The following PRKD2 variants were observed in gnomAD, a reference collection of about 807,000 sequenced individuals.
PRKD2 encodes protein kinase D2.
PRKD2 carries 22 observed loss-of-function variants against 86.0 expected under a neutral mutation model. The observed-to-expected ratio is 0.26, with a 90% CI of 0.18 to 0.37. The LOEUF is 0.37. Among genes scored for constraint, PRKD2 ranks in the 10% least tolerant of loss-of-function variants. The pLI is 1.00. For synonymous variants in PRKD2, 509 were observed against 510.9 expected (o/e 1.00, Z 0.05); for missense variants, 818 against 1,199.2 (o/e 0.68, Z 4.70).
rs1159306440 is a variant in PRKD2 at position 46,680,924 on chromosome 19, CTATATA to C, written c.2070+720_2070+725del. ...ATAAAGTGCTATATGTTGGGATAAA[CTATATA>C]TATATATATATATATATTTTTTTTT... On this transcript the variant is annotated intron_variant, in intron 15 of 17. Coordinates refer to ENST00000291281, the MANE Select transcript of PRKD2 (RefSeq NM_016457.5). 1.5e-3 allele frequency among the ~76,000 whole-genome samples: 110 copies of C among 72,434 alleles called. 3 individuals are homozygous for C. The Middle Eastern group carries it at 0.03, about 20-fold the overall frequency. The allele number at this position is 72,434 out of a possible 152,430, so 47.5% of individuals were successfully genotyped here.
At chr19:46,692,206 G>T (rs140659601) in intron 10 of PRKD2, among the ~76,000 whole-genome samples, 8 of 152,236 alleles carry the variant, frequency 5.3e-5, no homozygotes, top group Non-Finnish European at 1.0e-4. Flanking sequence ...CCACCAGGAG[G>T]AGTAAATGAG....
intron 2 of PRKD2, among the ~76,000 whole-genome samples, chr19:46,713,374 A>C (rs912423466): frequency 6.6e-6 from 1 of 151,480 alleles, no homozygotes. Flanking sequence ...TTACAGATCC[A>C]ACTCCTTCTT....
chr19:46,700,169 G>C (rs2053616428), intron 7 of PRKD2, among the ~76,000 whole-genome samples: 1 of 152,136 alleles, frequency 6.6e-6, no homozygotes, highest in African/African-American at 2.4e-5. Context: ...CCAGGAGACA[G>C]AGGTTGCAAT....
intron 7 of PRKD2, among the ~76,000 whole-genome samples, chr19:46,699,918 T>TAAAA (rs56355930): frequency 4.7e-5 from 5 of 107,280 alleles, no homozygotes; most frequent in Non-Finnish European, 5.6e-5. Context: ...CCCCCTATCT[T>TAAAA]AAAAAAAAAA....
intron 15 of PRKD2, among the ~76,000 whole-genome samples, chr19:46,681,150 G>T (rs1232251529): frequency 6.7e-6 from 1 of 150,054 alleles, no homozygotes; most frequent in East Asian, 2.0e-4. Context: ...TAGAGAAGGG[G>T]TTTCACCGTG....
At position 46,714,018 on chromosome 19, in the gene PRKD2, G is replaced by A. The variant is rs1206062535; in HGVS notation, c.241-17C>T. The A allele has an allele frequency of 4.3e-6, 7 of 1,611,178 alleles. No individual in the cohort carries two copies. The highest frequency in any genetic ancestry group is 2.2e-5 in the South Asian group (2 of 90,982). ...CTCAGGGAACTGAGGGGCGGGAGAG[G>A]GATGTGGCGACGGAAAAGCTCAGAG... On this transcript the variant is annotated splice_polypyrimidine_tract_variant and intron_variant, in intron 1 of 17. Transcript: ENST00000291281.
chr19:46,675,392 CTTTT>C (rs986856435), intron 16 of PRKD2, among the ~76,000 whole-genome samples: 1 of 151,270 alleles, frequency 6.6e-6, no homozygotes, highest in African/African-American at 2.4e-5. Flanking sequence ...CTTTTTTTTT[CTTTT>C]TGTCATATAC....
At chr19:46,712,863 T>C (rs994184388) in intron 2 of PRKD2, among the ~76,000 whole-genome samples, 2 of 152,266 alleles carry the variant, frequency 1.3e-5, no homozygotes, top group Middle Eastern at 6.8e-3. Flanking sequence ...GAATAGTGAG[T>C]GGATGAACTG....
chr19:46,678,562 G>A lies in PRKD2; in HGVS notation c.2172C>T (p.Leu724=), dbSNP rs1173306916. The part of the protein sequence containing the change: ...TPAYLAPEVL[L]NQGYNRSLDM... ...CCAGCGAGCGGTTGTAGCCCTGGTT[G>A]AGCAGCACCTCGGGTGCCAGGTAGG... The change falls in exon 16 of 18, where the codon CTC becomes CTT. Residue 724 remains leucine, a synonymous_variant. Coordinates refer to ENST00000291281, the MANE Select transcript of PRKD2 (RefSeq NM_016457.5). This position sits in a 1 kb window ranked among gnomAD's most constrained non-coding sequence, Gnocchi z 5.7. 3 of 1,614,058 alleles carry A rather than the reference G, an allele frequency of 1.9e-6. No individual in the cohort carries two copies. Among genetic ancestry groups the A allele is most frequent in the Non-Finnish European group, 2.5e-6 (3 of 1,180,056 alleles).
At chr19:46,690,942 A>C (rs1204878785) in intron 12 of PRKD2, among the ~76,000 whole-genome samples, 1 of 152,182 alleles carries the variant, frequency 6.6e-6, no homozygotes, top group Non-Finnish European at 1.5e-5. Flanking sequence ...AATGTATAAC[A>C]TGGGAAACTG....
At chr19:46,701,734 T>A (rs2053638214) in intron 5 of PRKD2, among the ~76,000 whole-genome samples, 1 of 151,808 alleles carries the variant, frequency 6.6e-6, no homozygotes, top group African/African-American at 2.4e-5. Flanking sequence ...GCTGGGTTCC[T>A]CAACCCGTGA....
intron 13 of PRKD2, 87 bp downstream of exon 13, chr19:46,690,513 C>G (rs2053468000): frequency 5.8e-6 from 7 of 1,211,538 alleles, no homozygotes; most frequent in Middle Eastern, 4.0e-4. Flanking sequence ...ATGCCCTCCC[C>G]CAGGAAGCCT....
chr19:46,701,933 T>C (rs144042987), intron 5 of PRKD2, among the ~76,000 whole-genome samples: 164 of 152,038 alleles, frequency 1.1e-3, no homozygotes, highest in South Asian at 4.8e-3. Flanking sequence ...TCGAGAACCA[T>C]TGCTGTAGAG....
intron 3 of PRKD2, among the ~76,000 whole-genome samples, chr19:46,706,046 G>T (rs1485413396): frequency 6.6e-6 from 1 of 151,322 alleles, no homozygotes; most frequent in African/African-American, 2.4e-5. Context: ...TTATTTTTTT[G>T]TAGAGATGGG....
rs970207778 is a variant in PRKD2 at position 46,678,273 on chromosome 19, C to T, written c.2338+123G>A. On this transcript the variant is annotated intron_variant, in intron 16 of 17. Transcript: ENST00000291281. The surrounding 1 kb of genome is among the most constrained non-coding windows in gnomAD (Gnocchi z 5.7). ...CATCCCTCCAGTAGGCCCGCCCCAG[C>T]ACTGGGCTCCACCCCCAAGGTGCCA... The T allele has an allele frequency of 2.8e-6, 4 of 1,431,346 alleles. No homozygotes were observed. Among genetic ancestry groups the T allele is most frequent in the Non-Finnish European group, 3.7e-6 (4 of 1,068,794 alleles). The allele number at this position is 1,431,346 out of a possible 1,614,324, so 88.7% of individuals were successfully genotyped here.
chr19:46,714,181 G>T, intron 1 of PRKD2, 180 bp from the exon 2 acceptor site: 1 of 1,332,514 alleles, frequency 7.5e-7, no homozygotes, highest in Non-Finnish European at 9.6e-7. Flanking sequence ...GGATGCCAGC[G>T]CCCCAATTGT....
rs536037877 is a variant in PRKD2 at position 46,707,024 on chromosome 19, G to A, written c.512-2375C>T. On this transcript the variant is annotated intron_variant, in intron 3 of 17. Coordinates refer to ENST00000291281, the MANE Select transcript of PRKD2 (RefSeq NM_016457.5). The stretch of plus-strand genomic sequence containing the variant: ...TTCTCCTGCCTCAGCCTCCCGAGTA[G>A]CTGGGATTATAGGTACCCGCCACCA... Among the ~76,000 whole-genome samples, 9 of 151,738 alleles carry A rather than the reference G, an allele frequency of 5.9e-5. No individual in the cohort carries two copies. The South Asian group carries it at 1.7e-3, about 28-fold the overall frequency.
rs759304190 is a variant in PRKD2, at chr19:46,694,001, C to T, written c.1450G>A (p.Gly484Arg). 5 of 1,613,892 alleles carry T rather than the reference C, an allele frequency of 3.1e-6. No individual in the cohort carries two copies. The highest frequency in any genetic ancestry group is 1.6e-4 in the Middle Eastern group (1 of 6,062). Residue 484 changes from glycine to arginine, a missense_variant, in exon 10 of 18, where the codon GGG becomes AGG. Gly to Arg is a moderately radical substitution (Grantham distance 125, BLOSUM62 -2). Coordinates refer to ENST00000291281, the MANE Select transcript of PRKD2 (RefSeq NM_016457.5). ...TGCCCACTTGGCCCACCCGGAGTCC[C>T]GCCAGGCATCTCGCCCACGAAGTAG... Reference protein sequence around the residue: ...ATYFVGEMPGGTPGGPSGQGA... With the variant: ...ATYFVGEMPGRTPGGPSGQGA...
At chr19:46,710,753 G>A in intron 3 of PRKD2, 154 bp downstream of exon 3, 1 of 887,200 alleles carries the variant, frequency 1.1e-6, no homozygotes, top group Non-Finnish European at 1.6e-6. Context: ...CTGCTTCTGG[G>A]CCCATCCTTC....
Sources: allele counts gnomAD v4.1 joint callset (sites outside exome capture counted in the v4.1 genomes callset), GRCh38; gene constraint gnomAD v4.1.1; non-coding constraint Gnocchi (gnomAD v3.1); transcripts MANE v1.5; gene names NCBI Gene and HGNC (gene_info 2026-07-23, HGNC 2026-07-21).